The following ANKRD36B variants were observed in gnomAD, a reference collection of about 807,000 sequenced individuals.
The protein encoded by ANKRD36B is ankyrin repeat domain 36B.
In ANKRD36B, 37 loss-of-function variants were observed where a neutral mutation model predicts 135.7. That is an observed-to-expected ratio of 0.27 (90% CI 0.21 to 0.36). ANKRD36B has a LOEUF of 0.36. Ranked by LOEUF, ANKRD36B falls within the 10% of genes least tolerant of loss-of-function variation. The probability of loss-of-function intolerance (pLI) is 1.00; values close to 1 mark genes in which losing one functional copy is unlikely to be tolerated. For missense variants in ANKRD36B, 549 were observed against 1,037.1 expected, an observed-to-expected ratio of 0.53 and a Z score of 6.46; for synonymous variants, 179 against 348.1, an observed-to-expected ratio of 0.51 and a Z score of 5.41.
intron 1 of ANKRD36B, among the ~76,000 whole-genome samples, chr2:97,586,847 C>T (rs1198395417): frequency 6.6e-6 from 1 of 152,064 alleles, no homozygotes; most frequent in Admixed American, 6.6e-5. Context: ...TCTGAAGAGG[C>T]TAAAAGTTCA....
Position 97,529,242 on chromosome 2 carries a change from G to C in ANKRD36B, c.2265+3069C>G, listed in dbSNP as rs2078416374. On this transcript the variant is annotated intron_variant, in intron 35 of 43. Transcript: ENST00000359901. ...GCTTCATCCCTGGGATGCAAGGCTGGTTCAATATACGCAAATCAATAAATG... is the reference window on the plus strand; with the variant it reads ...GCTTCATCCCTGGGATGCAAGGCTGCTTCAATATACGCAAATCAATAAATG... 2.1e-5 allele frequency among the ~76,000 whole-genome samples: 2 copies of C among 95,154 alleles called. 1 individual carries two copies. Among genetic ancestry groups the C allele is most frequent in the African/African-American group, 6.3e-5 (2 of 31,638 alleles). 62.4% of individuals were successfully genotyped at this position (95,154 alleles called of 152,430 possible).
At position 97,578,912 on chromosome 2, in the gene ANKRD36B, T is replaced by G. The variant is rs1403029023; in HGVS notation, c.689A>C (p.Asn230Thr). 1 of 1,612,700 alleles carries G rather than the reference T, an allele frequency of 6.2e-7. No individual in the cohort carries two copies. Among genetic ancestry groups the G allele is most frequent in the African/African-American group, 1.3e-5 (1 of 74,890 alleles). The change falls in exon 5 of 44, where the codon AAT becomes ACT. Residue 230 changes from asparagine to threonine, a missense_variant. By Grantham distance (65) the Asn-to-Thr change is moderately conservative. Transcript: ENST00000359901. ...TTTTTACGTAAAGACTTACACTCTA[T>G]TCTCAGCCTCACTGGCATAATCTTC... ...LAEDYASEAE[N>T]RVIFDLIYEY... is the part of the protein sequence containing the mutation.
chr2:97,528,056 A>C lies in ANKRD36B; in HGVS notation c.2265+4255T>G. ...CTCAACTCTGCACCAAGTGGACCTA[A>C]TAGACATCTACAGAACTCTCCACCC... On this transcript the variant is annotated intron_variant, in intron 35 of 43. Coordinates refer to ENST00000359901, the MANE Select transcript of ANKRD36B (RefSeq NM_001393939.1). Among the ~76,000 whole-genome samples, 2 of 96,022 alleles carry C rather than the reference A, an allele frequency of 2.1e-5. 1 individual carries two copies. The highest frequency in any genetic ancestry group is 1.8e-4 in the Admixed American group (2 of 10,906). 63.0% of individuals were successfully genotyped at this position (96,022 alleles called of 152,430 possible). A position where few individuals can be genotyped will look rare whatever the true frequency, so the allele number is the denominator to read the frequency against.
Position 97,555,044 on chromosome 2 carries a change from T to G in ANKRD36B, c.1171+16A>C, listed in dbSNP as rs563782281. Reference sequence around the variant, plus strand: ...TCTGGACTGAACATGACATTAAATGTGTTTTGCAAAATTACCTGTCCCACA... The same window carrying G: ...TCTGGACTGAACATGACATTAAATGGGTTTTGCAAAATTACCTGTCCCACA... On this transcript the variant is annotated intron_variant, in intron 14 of 43. Transcript: ENST00000359901. 6.2e-7 allele frequency: 1 copy of G among 1,611,004 alleles called. No homozygotes were observed.
intron 32 of ANKRD36B, among the ~76,000 whole-genome samples, 172 bp downstream of exon 32, chr2:97,537,996 G>A (rs2078975821): frequency 2.1e-5 from 2 of 95,008 alleles, no homozygotes; most frequent in East Asian, 2.3e-4. Flanking sequence ...TAAGATCATG[G>A]CCAAGGACCA....
At chr2:97,573,767 G>A (rs987733743) in intron 6 of ANKRD36B, among the ~76,000 whole-genome samples, 1 of 152,106 alleles carries the variant, frequency 6.6e-6, no homozygotes, top group Non-Finnish European at 1.5e-5. Context: ...TGACAAACCT[G>A]AGAAAAACAA....
intron 6 of ANKRD36B, among the ~76,000 whole-genome samples, chr2:97,568,279 C>T (rs1469620276): frequency 2.0e-5 from 3 of 152,062 alleles, no homozygotes; most frequent in Admixed American, 6.6e-5. Flanking sequence ...TGAAACACAA[C>T]AGTTTCTCCA....
intron 18 of ANKRD36B, among the ~76,000 whole-genome samples, chr2:97,550,741 T>A (rs537074005): frequency 5.8e-4 from 88 of 152,012 alleles, no homozygotes; most frequent in African/African-American, 1.9e-3. Flanking sequence ...ATGTTCCAAA[T>A]GCATCTGAAG....
intron 35 of ANKRD36B, among the ~76,000 whole-genome samples, chr2:97,531,463 G>C (rs1283200687): frequency 2.4e-5 from 2 of 84,686 alleles, no homozygotes; most frequent in Admixed American, 1.1e-4. Context: ...GCTAAATGAC[G>C]AGTTAATGGG....
chr2:97,550,697 C>A (rs1365551413), intron 18 of ANKRD36B, among the ~76,000 whole-genome samples: 2 of 151,892 alleles, frequency 1.3e-5, no homozygotes, highest in East Asian at 3.9e-4. Context: ...CCAGCACTTG[C>A]TGGAGTTGCC....
At chr2:97,586,609 G>A (rs1005978553) in intron 1 of ANKRD36B, among the ~76,000 whole-genome samples, 1 of 152,166 alleles carries the variant, frequency 6.6e-6, no homozygotes, top group Non-Finnish European at 1.5e-5. Context: ...CATACATACA[G>A]TTGGGAAGTT....
intron 22 of ANKRD36B, among the ~76,000 whole-genome samples, chr2:97,546,447 G>A (rs896100373): frequency 2.0e-5 from 3 of 151,646 alleles, no homozygotes; most frequent in Non-Finnish European, 3.0e-5. Context: ...TCACACGCAC[G>A]TGGTGCAATA....
intron 35 of ANKRD36B, among the ~76,000 whole-genome samples, chr2:97,525,546 T>C (rs557724923): frequency 1.0e-5 from 1 of 95,928 alleles, no homozygotes; most frequent in South Asian, 2.4e-4. Context: ...TGCCAGACAG[T>C]GGGTGCAGGA....
chr2:97,553,275 A>C (rs1415424441), intron 15 of ANKRD36B, 35 bp from the exon 16 acceptor site: 1 of 1,596,996 alleles, frequency 6.3e-7, no homozygotes, highest in Non-Finnish European at 8.5e-7. Context: ...ATAAATAAAT[A>C]AATAAATGAA....
At chr2:97,553,395 A>C in intron 14 of ANKRD36B, 24 bp from the exon 15 acceptor site, 1 of 1,603,484 alleles carries the variant, frequency 6.2e-7, no homozygotes, top group Non-Finnish European at 8.5e-7. Flanking sequence ...GGGATACATA[A>C]TCACTCATAT....
rs2082200703 is a variant in ANKRD36B at position 97,575,907 on chromosome 2, A to AAT, written c.763+470_763+471dup. ...TTCTTGTACTCAGAATACAATATAT[A>AAT]ATATATATAACATACCAAATATGTA... On this transcript the variant is annotated intron_variant, in intron 6 of 43. Coordinates refer to ENST00000359901, the MANE Select transcript of ANKRD36B (RefSeq NM_001393939.1). Among the ~76,000 whole-genome samples the AAT allele has an allele frequency of 1.3e-5, 2 of 151,918 alleles. 1 individual carries two copies. Among genetic ancestry groups the AAT allele is most frequent in the Admixed American group, 1.3e-4 (2 of 15,210 alleles).
chr2:97,533,621 T>C lies in ANKRD36B; in HGVS notation c.2192-1237A>G, dbSNP rs528773509. Reference sequence around the variant, plus strand: ...ATTAATCAGCTTAGATAGACAGTTGTAGAATAAAAATTAATAAAACTATTC... The same window carrying C: ...ATTAATCAGCTTAGATAGACAGTTGCAGAATAAAAATTAATAAAACTATTC... On this transcript the variant is annotated intron_variant, in intron 34 of 43. Coordinates refer to ENST00000359901, the MANE Select transcript of ANKRD36B (RefSeq NM_001393939.1). Among the ~76,000 whole-genome samples the C allele has an allele frequency of 4.1e-5, 4 of 96,408 alleles. 1 individual carries two copies. The highest frequency in any genetic ancestry group is 1.8e-4 in the Admixed American group (2 of 10,922). 63.2% of individuals were successfully genotyped at this position (96,408 alleles called of 152,430 possible).
chr2:97,554,362 C>A (rs553730400), intron 14 of ANKRD36B, among the ~76,000 whole-genome samples: 1 of 151,884 alleles, frequency 6.6e-6, no homozygotes, highest in Non-Finnish European at 1.5e-5. Context: ...TAACAAAAAT[C>A]AACAAAAGAT....
chr2:97,551,309 T>C lies in ANKRD36B; in HGVS notation c.1355A>G (p.Asp452Gly). 1 of 1,570,720 alleles carries C rather than the reference T, an allele frequency of 6.4e-7. No homozygotes were observed. The highest frequency in any genetic ancestry group is 1.4e-5 in the African/African-American group (1 of 74,032). ...SFSNITREKK[D>G]GEISRTVSSQ... Reference sequence around the variant, plus strand: ...ATTACCTGTCCTAGATATTTCTCCATCCTTTTTTTCTCTGGTTATATTCGA... The same window carrying C: ...ATTACCTGTCCTAGATATTTCTCCACCCTTTTTTTCTCTGGTTATATTCGA... The change falls in exon 18 of 44, where the codon GAT (aspartate) becomes GGT (glycine). Residue 452 changes from aspartate to glycine, a missense_variant. Transcript: ENST00000359901.
Sources: allele counts gnomAD v4.1 joint callset (sites outside exome capture counted in the v4.1 genomes callset), GRCh38; gene constraint gnomAD v4.1.1; transcripts MANE v1.5; gene names NCBI Gene and HGNC (gene_info 2026-07-23, HGNC 2026-07-21).